Variants in LINC00632 observed in about 807,000 individuals in gnomAD.
LINC00632 encodes long independently transcribed non-coding RNA 632.
chrX:140,714,186 C>T, intron 2 of LINC00632: 2 of 170,723 alleles, frequency 1.2e-5, no homozygotes. Context: ...GCTTGAAGAC[C>T]CGCATCATGA....
intron 3 of LINC00632, among the ~76,000 whole-genome samples, chrX:140,757,316 T>C (rs1306114480): frequency 9.0e-6 from 1 of 111,324 alleles, no homozygotes; most frequent in Non-Finnish European, 1.9e-5. Flanking sequence ...ATGATAGGCA[T>C]TGGCAAGCTG....
At chrX:140,723,657 C>T (rs866111352) in intron 2 of LINC00632, among the ~76,000 whole-genome samples, 1 of 11,741 alleles carries the variant, frequency 8.5e-5, no homozygotes, top group African/African-American at 3.5e-4. Flanking sequence ...TACACACACA[C>T]ATTCCATATA....
At chrX:140,722,182 A>G (rs1280453282) in intron 2 of LINC00632, among the ~76,000 whole-genome samples, 1 of 110,996 alleles carries the variant, frequency 9.0e-6, no homozygotes, top group East Asian at 2.8e-4. Flanking sequence ...GAGTCACCCC[A>G]TAACACAGGA....
At chrX:140,731,753 A>G (rs1407158030) in intron 2 of LINC00632, among the ~76,000 whole-genome samples, 1 of 111,858 alleles carries the variant, frequency 8.9e-6, no homozygotes, top group East Asian at 2.8e-4. Context: ...AAACGTCCAC[A>G]TGGACACAGA....
intron 3 of LINC00632, among the ~76,000 whole-genome samples, chrX:140,755,831 AG>A (rs1376013056): frequency 9.0e-6 from 1 of 111,378 alleles, no homozygotes; most frequent in Non-Finnish European, 1.9e-5. Context: ...CTTCTACCAC[AG>A]TACACATTTT....
chrX:140,784,638 T>G, exon 5 of LINC00632: 1 of 408,649 alleles, frequency 2.4e-6, no homozygotes, highest in East Asian at 4.1e-5. Context: ...CATTCAGGTC[T>G]TCCAGTGTCT....
At chrX:140,723,579 C>G (rs1422782572) in intron 2 of LINC00632, among the ~76,000 whole-genome samples, 5 of 20,869 alleles carry the variant, frequency 2.4e-4, no homozygotes, top group Non-Finnish European at 1.3e-4. Context: ...TCCATACACA[C>G]ACACACATTC....
At chrX:140,742,670 A>G (rs970021062) in intron 3 of LINC00632, among the ~76,000 whole-genome samples, 4 of 110,667 alleles carry the variant, frequency 3.6e-5, no homozygotes, top group Admixed American at 9.8e-5. Flanking sequence ...CAGTGATTCT[A>G]TATCCTGAGA....
chrX:140,716,544 T>C (rs190318426), intron 2 of LINC00632, among the ~76,000 whole-genome samples: 1 of 109,896 alleles, frequency 9.1e-6, no homozygotes, highest in African/African-American at 3.3e-5. Context: ...ATATAATATA[T>C]AGATTAGCCC....
At chrX:140,765,064 G>C (rs936271385) in intron 3 of LINC00632, among the ~76,000 whole-genome samples, 1 of 111,511 alleles carries the variant, frequency 9.0e-6, no homozygotes, top group African/African-American at 3.3e-5. Context: ...CCAAAATTCC[G>C]CAAGAAGCTA....
intron 3 of LINC00632, among the ~76,000 whole-genome samples, chrX:140,753,064 TTACA>T (rs1028998954): frequency 3.6e-5 from 4 of 112,410 alleles, no homozygotes; most frequent in African/African-American, 1.3e-4. Flanking sequence ...ATTTTGTTTG[TTACA>T]TACATAAATA....
exon 5 of LINC00632, chrX:140,783,938 T>G: frequency 1.7e-6 from 2 of 1,208,626 alleles, no homozygotes; most frequent in Non-Finnish European, 2.2e-6. Context: ...AGCCATGTCT[T>G]CCAGAAAATC....
intron 2 of LINC00632, among the ~76,000 whole-genome samples, chrX:140,722,878 C>T (rs111311061): frequency 0.04 from 4,409 of 109,910 alleles, 140 homozygotes; most frequent in African/African-American, 0.12. Flanking sequence ...GGAGAAACCC[C>T]GTCTCTACTA....
intron 3 of LINC00632, among the ~76,000 whole-genome samples, chrX:140,734,759 C>CTTT (rs145614025): frequency 2.7e-5 from 2 of 75,312 alleles, no homozygotes; most frequent in Admixed American, 1.5e-4. Flanking sequence ...GGAAATACAT[C>CTTT]TTTTTTTTTT....
At chrX:140,758,986 T>C (rs1182916683) in intron 3 of LINC00632, among the ~76,000 whole-genome samples, 8 of 96,184 alleles carry the variant, frequency 8.3e-5, no homozygotes, top group Non-Finnish European at 1.4e-4. Flanking sequence ...TTTTTTGAGA[T>C]AGAGTTTTGC....
chrX:140,772,427 A>G (rs1002163405), exon 4 of LINC00632: 4 of 293,755 alleles, frequency 1.4e-5, no homozygotes, highest in African/African-American at 8.3e-5. Context: ...AATATTGTGT[A>G]CTCTCATTGA....
chrX:140,714,053 T>C (rs1189728232), intron 2 of LINC00632: 1 of 230,407 alleles, frequency 4.3e-6, no homozygotes, highest in East Asian at 1.1e-4. Flanking sequence ...GCAAACAGAC[T>C]CTCCCCAGGG....
At chrX:140,769,902 T>C (rs1931761590) in intron 3 of LINC00632, among the ~76,000 whole-genome samples, 1 of 111,829 alleles carries the variant, frequency 8.9e-6, no homozygotes, top group Non-Finnish European at 1.9e-5. Context: ...CTTTCTGTAC[T>C]ATAAACATTT....
exon 5 of LINC00632, chrX:140,783,699 C>G: frequency 8.3e-7 from 1 of 1,211,530 alleles, no homozygotes; most frequent in East Asian, 3.0e-5. Context: ...AAATCTACGT[C>G]TTCCACCAAA....
Sources: gnomAD v4.1 joint callset for allele counts (sites outside exome capture counted in the v4.1 genomes callset) on GRCh38, gnomAD v4.1.1 for gene constraint, MANE v1.5 for transcripts, NCBI Gene and HGNC (gene_info 2026-07-23, HGNC 2026-07-21) for gene names.